Variants in UST observed in about 807,000 individuals in gnomAD.
UST encodes the protein chondroitin sulfate 2-O-sulfotransferase.
UST carries 21 observed loss-of-function variants against 45.6 expected under a neutral mutation model. That is an observed-to-expected ratio of 0.46 (90% confidence interval 0.33 to 0.66). UST has a LOEUF of 0.66. Ranked by LOEUF, UST falls within the 30% of genes least tolerant of loss-of-function variation. The pLI, the probability that UST is intolerant of heterozygous loss-of-function variation, is 0.02. For missense variants in UST, 463 were observed against 512.4 expected (o/e 0.90, Z 0.93); for synonymous variants, 215 against 200.6 (o/e 1.07, Z -0.61).
At chr6:149,064,429 A>C (rs1193620095) in intron 7 of UST, among the ~76,000 whole-genome samples, 1 of 152,240 alleles carries the variant, frequency 6.6e-6, no homozygotes, top group Non-Finnish European at 1.5e-5. Flanking sequence ...TAGATATCTT[A>C]CAATTCTTGG....
At chr6:149,045,758 C>G (rs1415526744) in intron 7 of UST, among the ~76,000 whole-genome samples, 1 of 152,120 alleles carries the variant, frequency 6.6e-6, no homozygotes, top group Non-Finnish European at 1.5e-5. Flanking sequence ...CAAGGCAACC[C>G]CCTTCTAGTT....
At chr6:148,819,923 C>A (rs1341504809) in intron 1 of UST, among the ~76,000 whole-genome samples, 1 of 152,196 alleles carries the variant, frequency 6.6e-6, no homozygotes, top group Non-Finnish European at 1.5e-5. Flanking sequence ...GGGGTTTATA[C>A]CCTTCAGCTT....
At chr6:148,948,642 G>A (rs1780295135) in intron 3 of UST, among the ~76,000 whole-genome samples, 1 of 151,346 alleles carries the variant, frequency 6.6e-6, no homozygotes, top group South Asian at 2.1e-4. Flanking sequence ...ATTATCTCTG[G>A]CATTTTAAAG....
chr6:148,964,297 A>G, intron 4 of UST, 113 bp from the exon 5 acceptor site: 1 of 1,302,902 alleles, frequency 7.7e-7, no homozygotes, highest in Non-Finnish European at 1.1e-6. Context: ...GCACCTTAGC[A>G]TAGGAGGTCA....
chr6:148,831,336 G>T (rs987793536), intron 1 of UST, among the ~76,000 whole-genome samples: 1 of 152,162 alleles, frequency 6.6e-6, no homozygotes, highest in Non-Finnish European at 1.5e-5. Context: ...ATTTGTGACT[G>T]GGACAGTCAT....
At chr6:148,802,648 T>G (rs896592181) in intron 1 of UST, among the ~76,000 whole-genome samples, 5 of 152,238 alleles carry the variant, frequency 3.3e-5, no homozygotes, top group Non-Finnish European at 5.9e-5. Context: ...CAGCCAGATT[T>G]GTAAGTGACG....
At chr6:148,807,746 G>C (rs1355464374) in intron 1 of UST, among the ~76,000 whole-genome samples, 1 of 152,166 alleles carries the variant, frequency 6.6e-6, no homozygotes. Flanking sequence ...AATCATGATA[G>C]GGTGGCCTGT....
chr6:149,039,521 T>C lies in UST; in HGVS notation c.937+18040T>C, dbSNP rs966690328. 2.6e-5 allele frequency among the ~76,000 whole-genome samples: 4 copies of C among 152,148 alleles called. No individual in the cohort carries two copies. The South Asian group carries it at 8.3e-4, about 32-fold the overall frequency. On this transcript the variant is annotated intron_variant, in intron 7 of 7. Transcript: ENST00000367463. ...GATTATACATGTGTATTTCTAATAG[T>C]CACAGCGGCACGGCAAGTTAGATAT...
intron 1 of UST, among the ~76,000 whole-genome samples, chr6:148,768,648 T>C (rs1776363907): frequency 6.6e-6 from 1 of 152,244 alleles, no homozygotes; most frequent in Non-Finnish European, 1.5e-5. Context: ...AACTCAATGA[T>C]ACTGCATGTC....
Position 148,941,337 on chromosome 6 carries a change from C to A in UST, c.350C>A (p.Thr117Asn). Residue 117 changes from threonine (T) to asparagine (N), a missense_variant, in exon 3 of 8, where the codon ACT becomes AAT. Coordinates refer to ENST00000367463, the MANE Select transcript of UST (RefSeq NM_005715.3). ...YNRVGKCGSR[T>N]VVLLLRILSE... The stretch of plus-strand genomic sequence containing the variant: ...AGGGTAGGCAAGTGTGGGAGCCGTA[C>A]TGTGGTCTTGCTTCTGAGAATCTTG... The A allele has an allele frequency of 6.2e-7, 1 of 1,613,114 alleles. No homozygotes were observed. The highest frequency in any genetic ancestry group is 1.6e-4 in the Middle Eastern group (1 of 6,062).
chr6:148,832,723 A>T (rs1334948105), intron 1 of UST, among the ~76,000 whole-genome samples: 1 of 152,204 alleles, frequency 6.6e-6, no homozygotes, highest in South Asian at 2.1e-4. Context: ...CTTAGGATAC[A>T]ATACCTTATT....
chr6:148,978,846 TA>T (rs986854968), intron 5 of UST, among the ~76,000 whole-genome samples: 2 of 151,232 alleles, frequency 1.3e-5, no homozygotes, highest in African/African-American at 4.9e-5. Flanking sequence ...AAAATTTTTT[TA>T]AAAAAAAATT....
chr6:148,934,900 A>G lies in UST; in HGVS notation c.292-6379A>G, dbSNP rs1779990694. 6.6e-6 allele frequency among the ~76,000 whole-genome samples: 1 copy of G among 152,214 alleles called. No individual in the cohort carries two copies. The highest frequency in any genetic ancestry group is 1.5e-5 in the Non-Finnish European group (1 of 68,042). On this transcript the variant is annotated intron_variant, in intron 2 of 7. Transcript: ENST00000367463. The surrounding 1 kb of genome is among the most constrained non-coding windows in gnomAD (Gnocchi z 4.1). ...CAGTTATTTGCGAACCACAGCTTGT[A>G]CTATATTAAGTATCATTTTGCAGAG...
chr6:148,836,524 G>A (rs941038056), intron 1 of UST, among the ~76,000 whole-genome samples: 1 of 152,286 alleles, frequency 6.6e-6, no homozygotes, highest in Non-Finnish European at 1.5e-5. Context: ...TCGCTGAGTC[G>A]CCTTGGGCCA....
intron 2 of UST, among the ~76,000 whole-genome samples, chr6:148,930,260 A>G (rs1267347853): frequency 6.6e-6 from 1 of 152,218 alleles, no homozygotes; most frequent in East Asian, 1.9e-4. Flanking sequence ...CTTACAGGGC[A>G]AGAGACTTGT....
chr6:149,021,721 A>G (rs958087519), intron 7 of UST, among the ~76,000 whole-genome samples: 2 of 152,186 alleles, frequency 1.3e-5, no homozygotes, highest in Non-Finnish European at 2.9e-5. Flanking sequence ...ATTTCTCCCT[A>G]TGGAAACTGA....
rs150532716 is a variant in UST, at chr6:148,883,964, T to G, written c.248-3022T>G. On this transcript the variant is annotated intron_variant, in intron 1 of 7. Transcript: ENST00000367463. ...CTGGCCAACATGGAGAAACCCTGTCTCTACTAAAAATACAAAAAATTAACC... is the reference window on the plus strand; with the variant it reads ...CTGGCCAACATGGAGAAACCCTGTCGCTACTAAAAATACAAAAAATTAACC... Among the ~76,000 whole-genome samples, 735 of 152,182 alleles carry G rather than the reference T, an allele frequency of 4.8e-3. 22 individuals carry two copies. Among genetic ancestry groups the G allele is most frequent in the Admixed American group, 0.044 (668 of 15,282 alleles).
At chr6:148,806,590 C>T (rs1214011328) in intron 1 of UST, among the ~76,000 whole-genome samples, 4 of 152,084 alleles carry the variant, frequency 2.6e-5, no homozygotes, top group African/African-American at 9.7e-5. Flanking sequence ...CTGCCTGCCT[C>T]GGCCTCCCAA....
chr6:149,074,424 A>T lies in UST; in HGVS notation c.*308A>T, dbSNP rs1393964141. The T allele has an allele frequency of 5.4e-6, 2 of 373,488 alleles. No individual in the cohort carries two copies. The highest frequency in any genetic ancestry group is 9.7e-6 in the Non-Finnish European group (2 of 206,160). The allele number at this position is 373,488 out of a possible 1,614,324, so 23.1% of individuals were successfully genotyped here. ...GAAAAGGGGGAGAAATATAGCCCCT[A>T]GCCTAATAACTTATCATTTGTAAAA... On this transcript the variant is annotated 3_prime_UTR_variant, in exon 8 of 8. Coordinates refer to ENST00000367463, the MANE Select transcript of UST (RefSeq NM_005715.3).
Sources: gnomAD v4.1 joint callset for allele counts (sites outside exome capture counted in the v4.1 genomes callset) on GRCh38, gnomAD v4.1.1 for gene constraint, Gnocchi (gnomAD v3.1) non-coding constraint, MANE v1.5 for transcripts, NCBI Gene and HGNC (gene_info 2026-07-23, HGNC 2026-07-21) for gene names.